NCAM1: variants seen among roughly 807,000 people sequenced by gnomAD.
NCAM1 encodes antigen recognized by monoclonal antibody 5.1H11.
NCAM1 carries 14 observed loss-of-function variants against 109.8 expected under a neutral mutation model. The ratio of observed to expected loss-of-function variants is 0.13; its 90% CI spans 0.08 to 0.20. NCAM1 has a LOEUF of 0.20. Among genes scored for constraint, NCAM1 ranks in the 10% least tolerant of loss-of-function variants. The pLI, the probability that NCAM1 is intolerant of heterozygous loss-of-function variation, is 1.00. For synonymous variants in NCAM1, 418 were observed against 442.9 expected, an observed-to-expected ratio of 0.94 and a Z score of 0.70; for missense variants, 774 against 1,109.9, an observed-to-expected ratio of 0.70 and a Z score of 4.30.
intron 1 of NCAM1, among the ~76,000 whole-genome samples, chr11:112,977,801 A>C (rs1207867015): frequency 6.6e-6 from 1 of 151,872 alleles, no homozygotes; most frequent in African/African-American, 2.4e-5. Flanking sequence ...CATCCTACTA[A>C]AAAAGCAGGC....
intron 1 of NCAM1, among the ~76,000 whole-genome samples, chr11:113,172,340 G>C (rs1451033170): frequency 6.6e-6 from 1 of 152,174 alleles, no homozygotes; most frequent in Non-Finnish European, 1.5e-5. Context: ...ATTGCATGAA[G>C]CTCATCCCCT....
chr11:113,104,207 T>TGGGGGGGGG (rs1345382907), intron 1 of NCAM1, among the ~76,000 whole-genome samples: 1 of 19,270 alleles, frequency 5.2e-5, no homozygotes, highest in African/African-American at 2.2e-4. Context: ...GGAGGTGGGG[T>TGGGGGGGGG]GGGGGGGGGG....
At chr11:113,051,972 G>A (rs144188840) in intron 1 of NCAM1, among the ~76,000 whole-genome samples, 10 of 152,294 alleles carry the variant, frequency 6.6e-5, no homozygotes, top group East Asian at 1.9e-4. Flanking sequence ...TCTAGGTACC[G>A]CACTGGTCTT....
chr11:112,993,406 C>G (rs1460259895), intron 1 of NCAM1, among the ~76,000 whole-genome samples: 1 of 152,180 alleles, frequency 6.6e-6, no homozygotes. Flanking sequence ...GGGATCTGCT[C>G]CATGATCCAA....
At chr11:113,069,013 T>C (rs1348448917) in intron 1 of NCAM1, among the ~76,000 whole-genome samples, 4 of 152,208 alleles carry the variant, frequency 2.6e-5, no homozygotes, top group Non-Finnish European at 4.4e-5. Flanking sequence ...ACTTTGTTTG[T>C]ATTTATTAAT....
chr11:113,139,254 A>G lies in NCAM1; in HGVS notation c.53-63125A>G, dbSNP rs963934442. On this transcript the variant is annotated intron_variant, in intron 1 of 19. Coordinates refer to ENST00000316851, the MANE Select transcript of NCAM1 (RefSeq NM_181351.5). ...AAAGAAAGTCAGATCTTTGATATTT[A>G]TTATAAAAGAGATGGGTGACATTGT... Among the ~76,000 whole-genome samples, 4 of 152,222 alleles carry G rather than the reference A, an allele frequency of 2.6e-5. No homozygotes were observed. In the East Asian group the frequency reaches 5.8e-4, roughly 22 times the overall value.
At chr11:113,093,066 G>A (rs540429126) in intron 1 of NCAM1, among the ~76,000 whole-genome samples, 7 of 152,228 alleles carry the variant, frequency 4.6e-5, no homozygotes, top group East Asian at 3.9e-4. Context: ...GCTTGTCAGC[G>A]AGTGACAATA....
Position 113,235,240 on chromosome 11 carries a change from C to T in NCAM1, c.1825+76C>T. The stretch of plus-strand genomic sequence containing the variant: ...GGGGCAGTGGGGAACCCTGAGCTGG[C>T]CCATGTCATTGTTCAGACCACAGCT... On this transcript the variant is annotated intron_variant, in intron 14 of 19. Transcript: ENST00000316851. 1.1e-5 allele frequency: 17 copies of T among 1,610,974 alleles called. No homozygotes were observed. In the South Asian group the frequency reaches 1.7e-4, roughly 16 times the overall value.
At chr11:113,185,079 T>TATATATATATATATATATATATAGAG in intron 1 of NCAM1, among the ~76,000 whole-genome samples, 30 of 125,732 alleles carry the variant, frequency 2.4e-4, no homozygotes, top group East Asian at 1.2e-3. Flanking sequence ...TATATATATA[T>TATATATATATATATATATATATAGAG]AGAGAGAGAG....
chr11:113,270,480 G>T, intron 18 of NCAM1, 85 bp downstream of exon 18: 1 of 1,290,918 alleles, frequency 7.7e-7, no homozygotes, highest in African/African-American at 1.5e-5. Flanking sequence ...TGCGCCATCA[G>T]CTGGTGCCTT....
intron 1 of NCAM1, among the ~76,000 whole-genome samples, chr11:113,086,102 C>T (rs547137935): frequency 3.3e-5 from 5 of 152,304 alleles, no homozygotes; most frequent in Admixed American, 1.3e-4. Flanking sequence ...ATGAACCTCA[C>T]GTTGTACTGA....
intron 1 of NCAM1, among the ~76,000 whole-genome samples, chr11:113,124,099 G>A (rs1555096600): frequency 6.6e-6 from 1 of 152,162 alleles, no homozygotes; most frequent in South Asian, 2.1e-4. Context: ...TCTTGCTTTA[G>A]TTGAAAGAAA....
At chr11:113,016,266 T>G (rs1036626446) in intron 1 of NCAM1, among the ~76,000 whole-genome samples, 3 of 152,192 alleles carry the variant, frequency 2.0e-5, no homozygotes, top group Non-Finnish European at 4.4e-5. Context: ...ACACTTAGGC[T>G]TGTTATCTCT....
chr11:112,973,547 G>A (rs573526706), intron 1 of NCAM1, among the ~76,000 whole-genome samples: 29 of 152,136 alleles, frequency 1.9e-4, no homozygotes, highest in African/African-American at 6.3e-4. Flanking sequence ...CCCACATTTC[G>A]AACTGTGACT....
At chr11:112,972,942 C>G (rs532141650) in intron 1 of NCAM1, among the ~76,000 whole-genome samples, 4 of 152,020 alleles carry the variant, frequency 2.6e-5, no homozygotes, top group Non-Finnish European at 5.9e-5. Context: ...GGAAAAGAGC[C>G]AGAGGGAGGG....
In NCAM1 at chr11:113,229,488, C is replaced by G. The variant is rs1944940600; in HGVS notation, c.1090-2157C>G. On this transcript the variant is annotated intron_variant, in intron 9 of 19. Transcript: ENST00000316851. The stretch of plus-strand genomic sequence containing the variant: ...GAACACTTTTACACTGTTGGTGGGA[C>G]TGTAAACTAGTTCAACCATTGTGGA... Among the ~76,000 whole-genome samples, 9 of 152,286 alleles carry G rather than the reference C, an allele frequency of 5.9e-5. No homozygotes were observed. In the South Asian group the frequency reaches 1.9e-3, roughly 32 times the overall value.
At chr11:113,243,687 A>G (rs1945412782) in intron 14 of NCAM1, 1 of 453,848 alleles carries the variant, frequency 2.2e-6, no homozygotes, top group African/African-American at 2.0e-5. Flanking sequence ...CATAGTGTTC[A>G]AGCATCAAAG....
rs149503341 is a variant in NCAM1 at position 113,109,687 on chromosome 11, G to A, written c.53-92692G>A. Reference sequence around the variant, plus strand: ...TAAATAATGAATCCAAGGTAGAAAAGAGAAAATTACTGTTTCTAGTGCAGG... The same window carrying A: ...TAAATAATGAATCCAAGGTAGAAAAAAGAAAATTACTGTTTCTAGTGCAGG... On this transcript the variant is annotated intron_variant, in intron 1 of 19. Coordinates refer to ENST00000316851, the MANE Select transcript of NCAM1 (RefSeq NM_181351.5). Among the ~76,000 whole-genome samples the A allele has an allele frequency of 2.0e-5, 3 of 152,308 alleles. 1 individual carries two copies. The highest frequency in any genetic ancestry group is 7.2e-5 in the African/African-American group (3 of 41,570).
intron 1 of NCAM1, among the ~76,000 whole-genome samples, chr11:113,103,552 G>A (rs1413042232): frequency 2.0e-5 from 3 of 152,062 alleles, no homozygotes; most frequent in South Asian, 4.1e-4. Context: ...TCCCATCTAC[G>A]TTACCTGCCT....
Sources: gnomAD v4.1 joint callset for allele counts (sites outside exome capture counted in the v4.1 genomes callset) on GRCh38, gnomAD v4.1.1 for gene constraint, MANE v1.5 for transcripts, NCBI Gene and HGNC (gene_info 2026-07-23, HGNC 2026-07-21) for gene names.